Variants in NKAIN3 observed in about 807,000 individuals in gnomAD.
NKAIN3 encodes sodium/potassium transporting ATPase interacting 3.
A neutral mutation model predicts 30.2 loss-of-function variants in NKAIN3; 25 were observed. The observed-to-expected ratio is 0.83, with a 90% CI of 0.60 to 1.16. NKAIN3 has a LOEUF of 1.16. Ranked by LOEUF, NKAIN3 falls within the 50% of genes most tolerant of loss-of-function variation. The pLI is 0.00. For synonymous variants in NKAIN3, 91 were observed against 89.6 expected (o/e 1.02, Z -0.09); for missense variants, 225 against 254.1 (o/e 0.89, Z 0.78).
rs377421296 is a variant in NKAIN3, at chr8:62,760,682, C to T, written c.471+13553C>T. Among the ~76,000 whole-genome samples, 9 of 151,678 alleles carry T rather than the reference C, an allele frequency of 5.9e-5. No homozygotes were observed. The East Asian group carries it at 1.2e-3, about 20-fold the overall frequency. ...AGGAGATATACCTAATGTTAAATGA[C>T]GAGTTAATGGGTGCAGCACACCAAC... On this transcript the variant is annotated intron_variant, in intron 4 of 6. Transcript: ENST00000623646.
At chr8:62,688,980 CTCTT>C (rs1053187727) in intron 3 of NKAIN3, among the ~76,000 whole-genome samples, 3 of 152,022 alleles carry the variant, frequency 2.0e-5, no homozygotes, top group African/African-American at 7.2e-5. Context: ...TTATTTCTGT[CTCTT>C]TCCATGTATA....
intron 3 of NKAIN3, among the ~76,000 whole-genome samples, chr8:62,635,248 G>A (rs150224501): frequency 1.3e-5 from 2 of 152,294 alleles, no homozygotes; most frequent in African/African-American, 4.8e-5. Context: ...TGCTACATGA[G>A]ATAGTGTCTA....
chr8:62,496,728 G>A lies in NKAIN3; in HGVS notation c.55-82811G>A, dbSNP rs577407812. Among the ~76,000 whole-genome samples, 13 of 152,192 alleles carry A rather than the reference G, an allele frequency of 8.5e-5. No homozygotes were observed. The South Asian group carries it at 2.7e-3, about 32-fold the overall frequency. On this transcript the variant is annotated intron_variant, in intron 1 of 6. Transcript: ENST00000623646. Reference sequence around the variant, plus strand: ...AGGTTCTGAAAGGCTATGAAGACCCGCTTTCAAAAAAATGGAGCTAAAACG... The same window carrying A: ...AGGTTCTGAAAGGCTATGAAGACCCACTTTCAAAAAAATGGAGCTAAAACG...
rs16929355 is a variant in NKAIN3, at chr8:62,648,354, C to A, written c.273+58560C>A. Among the ~76,000 whole-genome samples, 12 of 151,986 alleles carry A rather than the reference C, an allele frequency of 7.9e-5. No individual in the cohort carries two copies. The East Asian group carries it at 2.3e-3, about 30-fold the overall frequency. ...AAGAATGTGTGTCGGGAGAAATGAC[C>A]GAGGGAGAACCCTACAGAGCACCAT... is the stretch of plus-strand genomic sequence containing the variant. On this transcript the variant is annotated intron_variant, in intron 3 of 6. Transcript: ENST00000623646.
In NKAIN3 at chr8:62,980,145, C is replaced by G. The variant is rs1022420797; in HGVS notation, c.*14738C>G. 1 of 152,142 alleles carries G rather than the reference C, an allele frequency of 6.6e-6. No homozygotes were observed. The highest frequency in any genetic ancestry group is 1.5e-5 in the Non-Finnish European group (1 of 68,040). The allele number at this position is 152,142 out of a possible 1,614,324, so 9.4% of individuals were successfully genotyped here. A position where few individuals can be genotyped will look rare whatever the true frequency, so the allele number is the denominator to read the frequency against. ...TGTAATCCCACATGCCCTAGACAAG[C>G]CTCCTGATGATTTTTCATCAAACAT... On this transcript the variant is annotated 3_prime_UTR_variant, in exon 7 of 7. Coordinates refer to ENST00000623646, the MANE Select transcript of NKAIN3 (RefSeq NM_001304533.3).
intron 1 of NKAIN3, among the ~76,000 whole-genome samples, chr8:62,501,021 C>A (rs1807434706): frequency 6.6e-6 from 1 of 152,224 alleles, no homozygotes; most frequent in South Asian, 2.1e-4. Context: ...CTTTGTTATG[C>A]TAATTATATT....
intron 1 of NKAIN3, among the ~76,000 whole-genome samples, chr8:62,537,830 C>T (rs561380903): frequency 6.6e-6 from 1 of 152,224 alleles, no homozygotes; most frequent in East Asian, 1.9e-4. Flanking sequence ...CTTTCTGAGC[C>T]ACTTTGGTCA....
At chr8:62,785,930 C>A (rs1817502034) in intron 4 of NKAIN3, among the ~76,000 whole-genome samples, 1 of 152,108 alleles carries the variant, frequency 6.6e-6, no homozygotes, top group Non-Finnish European at 1.5e-5. Context: ...CGAATCCCTG[C>A]CTCTCAAACT....
intron 4 of NKAIN3, among the ~76,000 whole-genome samples, chr8:62,769,984 CCTCTT>C (rs1165111588): frequency 6.6e-6 from 1 of 152,176 alleles, no homozygotes; most frequent in Non-Finnish European, 1.5e-5. Flanking sequence ...ATAATCCTCT[CCTCTT>C]GAGTGTGAGT....
intron 1 of NKAIN3, among the ~76,000 whole-genome samples, chr8:62,261,153 T>C (rs1167841306): frequency 6.6e-6 from 1 of 152,230 alleles, no homozygotes; most frequent in African/African-American, 2.4e-5. Flanking sequence ...CATAAGCTTT[T>C]AATGTAACTA....
chr8:62,518,142 CT>C lies in NKAIN3; in HGVS notation c.55-61395del, dbSNP rs973690219. Among the ~76,000 whole-genome samples the C allele has an allele frequency of 5.5e-4, 83 of 152,262 alleles. 1 individual carries two copies. Among genetic ancestry groups the C allele is most frequent in the African/African-American group, 1.9e-3 (81 of 41,560 alleles). On this transcript the variant is annotated intron_variant, in intron 1 of 6. Transcript: ENST00000623646. The stretch of plus-strand genomic sequence containing the variant: ...TTGGAAGGCCAAGGTGGGAGGATCA[CT>C]TGAGGTCAGGAGTTTGAACCAGCCT...
At chr8:62,796,824 A>G (rs1817877664) in intron 4 of NKAIN3, among the ~76,000 whole-genome samples, 1 of 152,076 alleles carries the variant, frequency 6.6e-6, no homozygotes, top group Non-Finnish European at 1.5e-5. Flanking sequence ...ACAAATACTC[A>G]TGAACACACA....
At chr8:62,805,797 C>A (rs748661341) in intron 4 of NKAIN3, among the ~76,000 whole-genome samples, 10 of 152,066 alleles carry the variant, frequency 6.6e-5, no homozygotes, top group Non-Finnish European at 1.5e-5. Context: ...CCAAAATGGA[C>A]AAATGGGATC....
intron 5 of NKAIN3, among the ~76,000 whole-genome samples, chr8:62,947,427 T>C (rs1291721050): frequency 6.6e-6 from 1 of 152,226 alleles, no homozygotes; most frequent in Admixed American, 6.5e-5. Flanking sequence ...GTATATAATA[T>C]ACATTTTTCT....
chr8:62,479,484 T>C (rs10504350), intron 1 of NKAIN3, among the ~76,000 whole-genome samples: 4,859 of 152,236 alleles, frequency 0.032, 297 homozygotes, highest in African/African-American at 0.11. Flanking sequence ...CCACTGGGTT[T>C]GTATTGTCAT....
intron 1 of NKAIN3, among the ~76,000 whole-genome samples, chr8:62,362,488 T>C (rs1330459893): frequency 6.6e-6 from 1 of 152,098 alleles, no homozygotes; most frequent in Non-Finnish European, 1.5e-5. Flanking sequence ...GTAAGGACAG[T>C]TTCCCAGGTG....
intron 1 of NKAIN3, chr8:62,473,128 G>A (rs1426909667): frequency 6.6e-6 from 1 of 152,206 alleles, no homozygotes; most frequent in Admixed American, 6.5e-5. Flanking sequence ...ATACCTTGCA[G>A]TCATTCAGAA....
chr8:62,567,994 C>G (rs1224735133), intron 1 of NKAIN3, among the ~76,000 whole-genome samples: 1 of 152,100 alleles, frequency 6.6e-6, no homozygotes, highest in Non-Finnish European at 1.5e-5. Flanking sequence ...CTGTTACCTG[C>G]TTTTGATAAA....
chr8:62,553,766 G>A lies in NKAIN3; in HGVS notation c.55-25773G>A, dbSNP rs185241886. 4.1e-3 allele frequency among the ~76,000 whole-genome samples: 620 copies of A among 152,090 alleles called. 2 individuals carry two copies. Among genetic ancestry groups the A allele is most frequent in the African/African-American group, 0.014 (580 of 41,500 alleles). ...TTGGCCAGGCTGGTCTTGAACACCC[G>A]ACCTCAAGTGATCTGCTCGCCTCAG... On this transcript the variant is annotated intron_variant, in intron 1 of 6. Transcript: ENST00000623646.
Sources: allele counts gnomAD v4.1 joint callset (sites outside exome capture counted in the v4.1 genomes callset), GRCh38; gene constraint gnomAD v4.1.1; transcripts MANE v1.5; gene names NCBI Gene and HGNC (gene_info 2026-07-23, HGNC 2026-07-21).